Variants in TCF20 observed in about 807,000 individuals in gnomAD.
TCF20 encodes the protein transcription factor 20.
A neutral mutation model predicts 148.6 loss-of-function variants in TCF20; 3 were observed. The observed-to-expected ratio is 0.02, with a 90% CI of 0.01 to 0.05. TCF20 has a LOEUF of 0.05. TCF20 is among the 10% of genes least tolerant of loss of function. The pLI, the probability that TCF20 is intolerant of heterozygous loss-of-function variation, is 1.00. For synonymous variants in TCF20, 1,049 were observed against 909.5 expected (o/e 1.15, Z -2.76); for missense variants, 2,350 against 2,429.3 (o/e 0.97, Z 0.69).
In TCF20 at chr22:42,168,786, C is replaced by A. The variant is rs767267200; in HGVS notation, c.5800-50G>T. On this transcript the variant is annotated intron_variant, in intron 4 of 5. Coordinates refer to ENST00000677622, the MANE Select transcript of TCF20 (RefSeq NM_001378418.1). ...GACAGACAGGTGGGAGAGGACAGTG[C>A]AGAAATCAGGGAGGGCAAAGGGAGG... 8 of 1,544,674 alleles carry A rather than the reference C, an allele frequency of 5.2e-6. No individual in the cohort carries two copies. In the African/African-American group the frequency reaches 1.1e-4, roughly 21 times the overall value.
At chr22:42,209,541 G>C in intron 2 of TCF20, 110 bp downstream of exon 2, 1 of 1,247,702 alleles carries the variant, frequency 8.0e-7, no homozygotes, top group Non-Finnish European at 1.1e-6. Context: ...ATGGGCATAG[G>C]CACTTTAATT....
chr22:42,275,289 AC>A (rs1002900782), upstream of TCF20: 2 of 152,234 alleles, frequency 1.3e-5, no homozygotes, highest in Non-Finnish European at 2.9e-5. Context: ...AGACTCTCGG[AC>A]CCCATGCCTG....
chr22:42,251,495 T>C (rs1162912901), intron 1 of TCF20, among the ~76,000 whole-genome samples: 2 of 99,572 alleles, frequency 2.0e-5, no homozygotes, highest in South Asian at 3.5e-4. Flanking sequence ...CAAGTGTCTT[T>C]TTTTTTTTTT....
At chr22:42,165,411 C>A (rs1482435087) in intron 5 of TCF20, among the ~76,000 whole-genome samples, 2 of 152,218 alleles carry the variant, frequency 1.3e-5, no homozygotes. Context: ...CAAGCTGGGG[C>A]CTCCTTGTTT....
At chr22:42,234,007 T>G (rs1923657880) in intron 1 of TCF20, among the ~76,000 whole-genome samples, 1 of 152,196 alleles carries the variant, frequency 6.6e-6, no homozygotes, top group Non-Finnish European at 1.5e-5. Context: ...AAGAAAGCAC[T>G]TAAGTTTAGT....
rs144324603 is a variant in TCF20 at position 42,210,370 on chromosome 22, C to T, written c.4936G>A (p.Val1646Ile). 135 of 1,614,108 alleles carry T rather than the reference C, an allele frequency of 8.4e-5. 2 individuals are homozygous for T. Among genetic ancestry groups the T allele is most frequent in the Non-Finnish European group, 1.0e-4 (118 of 1,180,054 alleles). Reference sequence around the variant, plus strand: ...TCCTCAGCATTGATGATTGTACAAACGGCTCCAAGTTCACACTTATTTACT... The same window carrying T: ...TCCTCAGCATTGATGATTGTACAAATGGCTCCAAGTTCACACTTATTTACT... ...HVVNKCELGA[V>I]CTIINAEEEE... is the part of the protein sequence containing the mutation. The change falls in exon 2 of 6, where the codon GTT becomes ATT. Residue 1646 changes from valine (V) to isoleucine (I), a missense_variant. By Grantham distance (29) the Val-to-Ile change is conservative. Transcript: ENST00000677622. This position sits in a 1 kb window ranked among gnomAD's most constrained non-coding sequence, Gnocchi z 4.7.
intron 2 of TCF20, among the ~76,000 whole-genome samples, chr22:42,196,285 G>A (rs1937598807): frequency 6.6e-6 from 1 of 152,214 alleles, no homozygotes; most frequent in African/African-American, 2.4e-5. Context: ...GGAATGAGGT[G>A]ACAGGTGAGC....
chr22:42,169,448 T>G (rs1935988354), intron 4 of TCF20, among the ~76,000 whole-genome samples: 1 of 152,158 alleles, frequency 6.6e-6, no homozygotes, highest in African/African-American at 2.4e-5. Flanking sequence ...CAGCTCGACT[T>G]CTAGTCTGGG....
intron 2 of TCF20, among the ~76,000 whole-genome samples, chr22:42,180,029 C>G (rs998490371): frequency 3.9e-5 from 6 of 152,186 alleles, no homozygotes; most frequent in Non-Finnish European, 8.8e-5. Context: ...CACCCACCCA[C>G]ACACTATGCC....
intron 2 of TCF20, among the ~76,000 whole-genome samples, chr22:42,187,153 C>T (rs1937083590): frequency 6.6e-6 from 1 of 152,188 alleles, no homozygotes; most frequent in South Asian, 2.1e-4. Context: ...CCCTCTGCTG[C>T]CATGTGGATC....
At chr22:42,310,696 G>A (rs532438183) in intron 1 of TCF20, among the ~76,000 whole-genome samples, 2 of 152,292 alleles carry the variant, frequency 1.3e-5, no homozygotes, top group African/African-American at 4.8e-5. Flanking sequence ...ACATGAGCAG[G>A]GTGGATTTTA....
chr22:42,202,570 T>C (rs930902533), intron 2 of TCF20, among the ~76,000 whole-genome samples: 11 of 152,226 alleles, frequency 7.2e-5, no homozygotes, highest in African/African-American at 2.4e-4. Context: ...GCCAGGACCT[T>C]CCGGGGCAAG....
chr22:42,289,986 A>G (rs1036643995), intron 1 of TCF20, among the ~76,000 whole-genome samples: 5 of 152,250 alleles, frequency 3.3e-5, no homozygotes, highest in African/African-American at 1.2e-4. Context: ...AATCGCCGTA[A>G]TATTCTCCTC....
At position 42,310,662 on chromosome 22, in the gene TCF20, G is replaced by A. The variant is rs975384724; in HGVS notation, c.-37+32817C>T. Among the ~76,000 whole-genome samples, 8 of 152,212 alleles carry A rather than the reference G, an allele frequency of 5.3e-5. No individual in the cohort carries two copies. In the East Asian group the frequency reaches 1.3e-3, roughly 26 times the overall value. On this transcript the variant is annotated intron_variant, in intron 1 of 1. Coordinates refer to the TCF20 transcript ENST00000515426. The stretch of plus-strand genomic sequence containing the variant: ...GAGAGGACTGGCGTGGCAATGGAGT[G>A]CAAGGAGACAGGGCCTGTGGTGGAC...
At chr22:42,174,971 C>G (rs1737331957) in intron 3 of TCF20, among the ~76,000 whole-genome samples, 1 of 151,300 alleles carries the variant, frequency 6.6e-6, no homozygotes, top group African/African-American at 2.4e-5. Flanking sequence ...GGAGGCGGAG[C>G]TTGCAGTGAG....
At chr22:42,215,540 A>C (rs985730203) in intron 1 of TCF20, 199 bp from the exon 2 acceptor site, 12 of 616,428 alleles carry the variant, frequency 1.9e-5, no homozygotes, top group Admixed American at 7.2e-5. Flanking sequence ...GCACGATCTC[A>C]GCTCAATGCA....
chr22:42,249,269 AG>A (rs1374830567), intron 1 of TCF20, among the ~76,000 whole-genome samples: 2 of 152,176 alleles, frequency 1.3e-5, no homozygotes, highest in Non-Finnish European at 2.9e-5. Flanking sequence ...CTGGCATCCC[AG>A]GGTCTCAAGC....
At chr22:42,288,455 A>T (rs1713571460), upstream of TCF20, among the ~76,000 whole-genome samples, 1 of 150,772 alleles carries the variant, frequency 6.6e-6, no homozygotes, top group Admixed American at 6.6e-5. Flanking sequence ...AGAATCGCTT[A>T]AACCCAGGAG....
chr22:42,241,546 G>A (rs1045398012), intron 1 of TCF20, among the ~76,000 whole-genome samples: 17 of 152,158 alleles, frequency 1.1e-4, no homozygotes, highest in African/African-American at 3.6e-4. Context: ...CAGATTAATC[G>A]GCTGGCGCGG....
Sources: gnomAD v4.1 joint callset for allele counts (sites outside exome capture counted in the v4.1 genomes callset) on GRCh38, gnomAD v4.1.1 for gene constraint, Gnocchi (gnomAD v3.1) non-coding constraint, MANE v1.5 for transcripts, NCBI Gene and HGNC (gene_info 2026-07-23, HGNC 2026-07-21) for gene names.